CTDP1: variants seen among roughly 807,000 people sequenced by gnomAD.
CTDP1 encodes the protein CTD phosphatase 1, also known as RNA polymerase II subunit A C-terminal domain phosphatase.
In CTDP1, 47 loss-of-function variants were observed where a neutral mutation model predicts 91.8. The ratio of observed to expected loss-of-function variants is 0.51; its 90% CI spans 0.41 to 0.65. The LOEUF is 0.65. Ranked by LOEUF, CTDP1 falls within the 30% of genes least tolerant of loss-of-function variation. CTDP1 has a pLI of 0.00. For synonymous variants in CTDP1, 656 were observed against 598.5 expected (o/e 1.10, Z -1.40); for missense variants, 1,272 against 1,373.7 (o/e 0.93, Z 1.17).
intron 10 of CTDP1, among the ~76,000 whole-genome samples, chr18:79,719,963 A>G (rs1011829250): frequency 1.4e-5 from 2 of 140,794 alleles, no homozygotes; most frequent in African/African-American, 5.4e-5. Context: ...CCTGGTGATG[A>G]TGTCACCTCC....
intron 12 of CTDP1, among the ~76,000 whole-genome samples, chr18:79,751,643 C>G (rs925303232): frequency 4.6e-5 from 7 of 152,132 alleles, no homozygotes; most frequent in African/African-American, 1.7e-4. Context: ...GTTATTTCTG[C>G]GCTATAGTTT....
chr18:79,700,432 A>G lies in CTDP1; in HGVS notation c.621+2444A>G, dbSNP rs2085834893. Among the ~76,000 whole-genome samples the G allele has an allele frequency of 2.0e-5, 3 of 152,324 alleles. No individual in the cohort carries two copies. In the South Asian group the frequency reaches 6.2e-4, roughly 32 times the overall value. On this transcript the variant is annotated intron_variant, in intron 4 of 12. Transcript: ENST00000613122. ...ACAGCCTTATTGCTGAGAAAGAGAA[A>G]GTTTTAGTGGTCTGAGTAGAAGATC...
intron 5 of CTDP1, among the ~76,000 whole-genome samples, chr18:79,705,636 G>A (rs544624095): frequency 3.9e-5 from 6 of 152,308 alleles, no homozygotes; most frequent in South Asian, 2.1e-4. Flanking sequence ...GGGCTGCCAC[G>A]GGACGGCGAC....
rs377343845 is a variant in CTDP1 at position 79,729,086 on chromosome 18, C to A, written c.2580+17C>A. ...GACAAAGAGGTGAGCCAACCCCACG[C>A]CCCGGTGCCCGCGCCAGCGCTCGTG... On this transcript the variant is annotated intron_variant, in intron 11 of 12. Transcript: ENST00000613122. 6.2e-7 allele frequency: 1 copy of A among 1,612,184 alleles called. No individual in the cohort carries two copies. The highest frequency in any genetic ancestry group is 1.3e-5 in the African/African-American group (1 of 75,018).
intron 12 of CTDP1, among the ~76,000 whole-genome samples, chr18:79,747,354 C>A (rs1331801852): frequency 6.6e-6 from 1 of 152,176 alleles, no homozygotes; most frequent in Non-Finnish European, 1.5e-5. Flanking sequence ...ATGTTCACAC[C>A]CAGAGCTGTG....
Position 79,717,984 on chromosome 18 carries a change from C to T in CTDP1, c.2385C>T (p.Ser795=), listed in dbSNP as rs2086255898. ...GARGPPAPSS[S]LPIRQEPSSF... is the part of the protein sequence containing the mutation. The stretch of plus-strand genomic sequence containing the variant: ...GGGGGCCCCCAGCACCCTCCAGCTC[C>T]CTACCCATCCGCCAGGAGCCCTCTT... The change falls in exon 10 of 13, where the codon TCC becomes TCT. Residue 795 remains serine, a synonymous_variant. Transcript: ENST00000613122. 1 of 1,613,366 alleles carries T rather than the reference C, an allele frequency of 6.2e-7. No individual in the cohort carries two copies. Among genetic ancestry groups the T allele is most frequent in the South Asian group, 1.1e-5 (1 of 91,086 alleles).
intron 10 of CTDP1, among the ~76,000 whole-genome samples, chr18:79,721,255 T>A (rs1051496349): frequency 6.6e-6 from 1 of 152,116 alleles, no homozygotes; most frequent in Non-Finnish European, 1.5e-5. Flanking sequence ...TACTCTTACT[T>A]CTTTATTTGA....
chr18:79,739,296 T>C (rs2086727473), intron 12 of CTDP1, among the ~76,000 whole-genome samples: 1 of 152,256 alleles, frequency 6.6e-6, no homozygotes, highest in African/African-American at 2.4e-5. Flanking sequence ...ACGTGCTGCA[T>C]CCGTGTCTCC....
chr18:79,714,650 G>C lies in CTDP1; in HGVS notation c.1190G>C (p.Arg397Pro). ...GCCGCCACCCCGCGGGACTCACCCC[G>C]CCCCGGGAAGCCAGACGAGAGGGAC... ...SEAATPRDSP[R>P]PGKPDERDIW... Residue 397 changes from arginine to proline, a missense_variant, in exon 8 of 13, where the codon CGC becomes CCC. Physicochemically the swap from Arg to Pro is moderately radical, Grantham distance 103. This residue lies in a region of CTDP1 where 881 missense variants were observed against 911.6 expected (regional missense o/e 0.97). Coordinates refer to ENST00000613122, the MANE Select transcript of CTDP1 (RefSeq NM_004715.5). 6.2e-7 allele frequency: 1 copy of C among 1,612,006 alleles called. No individual in the cohort carries two copies. Among genetic ancestry groups the C allele is most frequent in the Non-Finnish European group, 8.5e-7 (1 of 1,179,600 alleles).
intron 1 of CTDP1, among the ~76,000 whole-genome samples, chr18:79,682,342 G>A (rs1398340325): frequency 2.6e-5 from 4 of 152,188 alleles, no homozygotes; most frequent in Admixed American, 6.5e-5. Flanking sequence ...TTACAAGTGC[G>A]TTTCTCTGGC....
At chr18:79,732,300 C>A (rs953311931) in intron 11 of CTDP1, among the ~76,000 whole-genome samples, 4 of 150,396 alleles carry the variant, frequency 2.7e-5, no homozygotes, top group African/African-American at 4.9e-5. Context: ...CAGGAGTGCT[C>A]CCAAAATCAC....
At position 79,736,390 on chromosome 18, in the gene CTDP1, C is replaced by T. The variant is rs543385419; in HGVS notation, c.2616C>T (p.Ser872=). ...TCCTTGGAGAAGGCAGCGACGACAG[C>T]GACAGCGAGAAGAGGAGGCCTGAGG... is the stretch of plus-strand genomic sequence containing the variant. ...DDILGEGSDD[S]DSEKRRPEEQ... is the part of the protein sequence containing the mutation. The change falls in exon 12 of 13, where the codon AGC becomes AGT. Residue 872 remains serine, a synonymous_variant. Transcript: ENST00000613122. The T allele has an allele frequency of 1.2e-4, 193 of 1,549,364 alleles. 3 individuals carry two copies. In the South Asian group the frequency reaches 1.3e-3, roughly 11 times the overall value.
At chr18:79,680,933 C>G (rs1455370977) in intron 1 of CTDP1, 1 of 152,336 alleles carries the variant, frequency 6.6e-6, no homozygotes, top group Non-Finnish European at 1.5e-5. Context: ...CCCTTGTGTT[C>G]TGGGATGGGC....
intron 11 of CTDP1, among the ~76,000 whole-genome samples, chr18:79,735,381 C>T (rs1195970817): frequency 1.3e-5 from 2 of 152,252 alleles, no homozygotes; most frequent in East Asian, 1.9e-4. Flanking sequence ...TGTGCCGTCG[C>T]ACACAGACGC....
chr18:79,701,966 G>T lies in CTDP1; in HGVS notation c.622-2801G>T, dbSNP rs144232305. On this transcript the variant is annotated intron_variant, in intron 4 of 12. Transcript: ENST00000613122. ...TTCTTACGGATGAGCAAAGAAAGTA[G>T]TTTCTTGAAATGGAATCTGCTCCTG... Among the ~76,000 whole-genome samples, 172 of 152,326 alleles carry T rather than the reference G, an allele frequency of 1.1e-3. 2 individuals are homozygous for T. The highest frequency in any genetic ancestry group is 3.0e-3 in the African/African-American group (124 of 41,572).
At chr18:79,746,381 G>A (rs542936321) in intron 12 of CTDP1, among the ~76,000 whole-genome samples, 2 of 113,538 alleles carry the variant, frequency 1.8e-5, no homozygotes, top group Non-Finnish European at 3.7e-5. Context: ...CGTTCTGTCC[G>A]TGCGTCCCTC....
chr18:79,720,117 G>A (rs1354964015), intron 10 of CTDP1, among the ~76,000 whole-genome samples: 2 of 147,072 alleles, frequency 1.4e-5, no homozygotes, highest in African/African-American at 5.1e-5. Context: ...TCATTAGGAA[G>A]GCATCCTGGT....
chr18:79,748,587 G>A (rs61193387), intron 12 of CTDP1, among the ~76,000 whole-genome samples: 74,276 of 152,072 alleles, frequency 0.49, 18,272 homozygotes, highest in East Asian at 0.58. Flanking sequence ...GTGAGATGGG[G>A]ATGGTGGCGC....
chr18:79,693,476 A>T (rs536275175), intron 1 of CTDP1, among the ~76,000 whole-genome samples: 2 of 152,230 alleles, frequency 1.3e-5, no homozygotes, highest in Non-Finnish European at 2.9e-5. Flanking sequence ...AGTCTCCCAT[A>T]TCCAAACTGC....
Sources: gnomAD v4.1 joint callset for allele counts (sites outside exome capture counted in the v4.1 genomes callset) on GRCh38, gnomAD v4.1.1 for gene constraint, gnomAD v4.1.1 regional missense constraint, MANE v1.5 for transcripts, NCBI Gene and HGNC (gene_info 2026-07-23, HGNC 2026-07-21) for gene names.